Variants in LMO7 observed in about 807,000 individuals in gnomAD.
LMO7 encodes LIM domain 7.
LMO7 carries 120 observed loss-of-function variants against 206.5 expected under a neutral mutation model. That is an observed-to-expected ratio of 0.58 (90% CI 0.50 to 0.68). The LOEUF is 0.68. Ranked by LOEUF, LMO7 falls within the 30% of genes least tolerant of loss-of-function variation. The pLI is 0.00. For missense variants in LMO7, 1,959 were observed against 1,957.9 expected, an observed-to-expected ratio of 1.00 and a Z score of -0.01; for synonymous variants, 706 against 681.5, an observed-to-expected ratio of 1.04 and a Z score of -0.56.
intron 1 of LMO7, among the ~76,000 whole-genome samples, chr13:75,656,141 G>A (rs1482614385): frequency 6.6e-6 from 1 of 152,142 alleles, no homozygotes; most frequent in Non-Finnish European, 1.5e-5. Flanking sequence ...CCTGTAAACT[G>A]CGGGCAAAGC....
chr13:75,654,080 C>CT (rs2037820224), intron 1 of LMO7, among the ~76,000 whole-genome samples: 1 of 152,080 alleles, frequency 6.6e-6, no homozygotes, highest in African/African-American at 2.4e-5. Flanking sequence ...ATCTTCTACC[C>CT]TTTCCCCAAA....
chr13:75,853,403 G>A lies in LMO7; in HGVS notation c.4661+15G>A. On this transcript the variant is annotated intron_variant, in intron 28 of 30. Coordinates refer to ENST00000377534, the MANE Select transcript of LMO7 (RefSeq NM_001306080.2). ...CTGCGTAACAGGTGAGGCCCTTGCT[G>A]TTTCTCTTTCTTCTCTTAGTCTTGG... The A allele has an allele frequency of 7.8e-6, 12 of 1,538,776 alleles. No homozygotes were observed. Among genetic ancestry groups the A allele is most frequent in the Non-Finnish European group, 9.6e-6 (11 of 1,141,906 alleles).
At chr13:75,635,755 C>T (rs959437067), upstream of LMO7, 6 of 152,238 alleles carry the variant, frequency 3.9e-5, no homozygotes, top group African/African-American at 1.4e-4. Context: ...GTGCCAAGGC[C>T]ACGACCCTCC....
At position 75,727,031 on chromosome 13, in the gene LMO7, T is replaced by C; in HGVS notation, c.143T>C (p.Leu48Ser). 6.4e-7 allele frequency: 1 copy of C among 1,557,020 alleles called. No homozygotes were observed. Among genetic ancestry groups the C allele is most frequent in the Non-Finnish European group, 8.9e-7 (1 of 1,129,186 alleles). The change falls in exon 3 of 31, where the codon TTG (leucine) becomes TCG (serine). Residue 48 changes from leucine (L) to serine (S), a missense_variant and splice_region_variant. Transcript: ENST00000377534. Reference sequence around the variant, plus strand: ...ATCTGTTATTTATTTACTTTCAGTTTGATTAATAAGCTTAAACCTGGCGTC... The same window carrying C: ...ATCTGTTATTTATTTACTTTCAGTTCGATTAATAAGCTTAAACCTGGCGTC... ...SLENGVLLCD[L>S]INKLKPGVIK... is the part of the protein sequence containing the mutation.
At chr13:75,725,209 A>C (rs889120308) in intron 2 of LMO7, among the ~76,000 whole-genome samples, 1 of 152,092 alleles carries the variant, frequency 6.6e-6, no homozygotes, top group African/African-American at 2.4e-5. Flanking sequence ...ATGTGATATA[A>C]ACAGGTTAAC....
intron 4 of LMO7, among the ~76,000 whole-genome samples, chr13:75,781,030 C>T (rs1303904324): frequency 7.4e-6 from 1 of 134,244 alleles, no homozygotes; most frequent in East Asian, 2.6e-4. Context: ...TTAAAAAATA[C>T]ATTTATAATT....
Position 75,845,344 on chromosome 13 carries a change from C to T in LMO7, c.4115C>T (p.Thr1372Ile), listed in dbSNP as rs763854453. 14 of 1,571,010 alleles carry T rather than the reference C, an allele frequency of 8.9e-6. No homozygotes were observed. The highest frequency in any genetic ancestry group is 6.1e-6 in the Non-Finnish European group (7 of 1,144,986). Residue 1372 changes from threonine to isoleucine, a missense_variant, in exon 26 of 31, where the codon ACT becomes ATT. By Grantham distance (89) the Thr-to-Ile change is moderately conservative (BLOSUM62 -1). Transcript: ENST00000377534. ...LPGDRNKSRS[T>I]TELDDYSTNK... The stretch of plus-strand genomic sequence containing the variant: ...TGTTTTAGGAATAAATCCAGATCTA[C>T]TACTGAACTGGATGATTACTCCACA...
At chr13:75,825,421 A>G (rs1014239062) in intron 15 of LMO7, among the ~76,000 whole-genome samples, 2 of 152,196 alleles carry the variant, frequency 1.3e-5, no homozygotes, top group Non-Finnish European at 2.9e-5. Flanking sequence ...ACTAACTGCA[A>G]CTGTGGATTA....
intron 11 of LMO7, among the ~76,000 whole-genome samples, chr13:75,811,308 G>A (rs910575606): frequency 1.3e-5 from 2 of 150,204 alleles, no homozygotes; most frequent in African/African-American, 4.9e-5. Flanking sequence ...GCCTCCCAAA[G>A]TGTTAGGATT....
intron 11 of LMO7, among the ~76,000 whole-genome samples, chr13:75,811,747 C>G (rs1402782705): frequency 6.6e-6 from 1 of 152,126 alleles, no homozygotes; most frequent in Non-Finnish European, 1.5e-5. Flanking sequence ...GGATTTATGT[C>G]TGTATGGTTT....
chr13:75,850,022 G>A (rs2139564097), intron 27 of LMO7, among the ~76,000 whole-genome samples: 1 of 152,280 alleles, frequency 6.6e-6, no homozygotes, highest in East Asian at 1.9e-4. Context: ...GGAGGCTGAG[G>A]CAGGAGAATC....
chr13:75,853,194 A>G lies in LMO7; in HGVS notation c.4467A>G (p.Gln1489=). 1 of 1,614,142 alleles carries G rather than the reference A, an allele frequency of 6.2e-7. No individual in the cohort carries two copies. The highest frequency in any genetic ancestry group is 8.5e-7 in the Non-Finnish European group (1 of 1,180,012). The stretch of plus-strand genomic sequence containing the variant: ...GATTCTATGCTTCTTCCTCTGTGCA[A>G]GACTTTAGTCGCCCACCACCTCAGC... ...PTGFYASSSV[Q]DFSRPPPQLV... Residue 1489 remains glutamine (Q), a synonymous_variant, in exon 28 of 31, where the codon CAA becomes CAG. Coordinates refer to ENST00000377534, the MANE Select transcript of LMO7 (RefSeq NM_001306080.2).
intron 29 of LMO7, 33 bp downstream of exon 29, chr13:75,855,401 A>C: frequency 6.8e-7 from 1 of 1,460,372 alleles, no homozygotes. Context: ...GCAGGCCTGC[A>C]AAGCTTTGCT....
At chr13:75,701,522 C>T (rs142316111) in intron 1 of LMO7, among the ~76,000 whole-genome samples, 23 of 152,182 alleles carry the variant, frequency 1.5e-4, no homozygotes, top group African/African-American at 4.3e-4. Context: ...CAAAAAATGA[C>T]GCCATCTTTT....
intron 1 of LMO7, among the ~76,000 whole-genome samples, chr13:75,701,952 G>T (rs773816345): frequency 4.7e-4 from 71 of 151,910 alleles, no homozygotes; most frequent in Admixed American, 1.0e-3. Context: ...TTTCTTCCCT[G>T]TTTTATTTAG....
upstream of LMO7, among the ~76,000 whole-genome samples, chr13:75,635,149 G>C (rs1167783089): frequency 6.6e-6 from 1 of 152,136 alleles, no homozygotes; most frequent in African/African-American, 2.4e-5. Flanking sequence ...CAGACGCTAG[G>C]TTTTAGATAG....
At chr13:75,630,290 A>C (rs1387616950) in intron 2 of LMO7, among the ~76,000 whole-genome samples, 2 of 152,236 alleles carry the variant, frequency 1.3e-5, no homozygotes, top group African/African-American at 4.8e-5. Context: ...TGTATCATAC[A>C]GATTTTCTCA....
chr13:75,663,707 G>A (rs113148034), intron 1 of LMO7, among the ~76,000 whole-genome samples: 4,302 of 152,208 alleles, frequency 0.028, 158 homozygotes, highest in African/African-American at 0.084. Context: ...TGGGATTACA[G>A]GCGTGAGCCA....
chr13:75,833,619 C>G (rs996917450), intron 16 of LMO7, among the ~76,000 whole-genome samples: 3 of 152,120 alleles, frequency 2.0e-5, no homozygotes, highest in Non-Finnish European at 4.4e-5. Context: ...TACCCCTCCC[C>G]TGTCCAGGTC....
Sources: gnomAD v4.1 joint callset for allele counts (sites outside exome capture counted in the v4.1 genomes callset) on GRCh38, gnomAD v4.1.1 for gene constraint, MANE v1.5 for transcripts, NCBI Gene and HGNC (gene_info 2026-07-23, HGNC 2026-07-21) for gene names.